The following CSMD1 variants were observed in gnomAD, a reference collection of about 807,000 sequenced individuals.
CSMD1 encodes CUB and Sushi multiple domains 1.
In CSMD1, 213 loss-of-function variants were observed where a neutral mutation model predicts 417.5. That is an observed-to-expected ratio of 0.51 (90% CI 0.46 to 0.57). The LOEUF is 0.57. CSMD1 is among the 20% of genes least tolerant of loss of function. CSMD1 has a pLI of 0.00. For synonymous variants in CSMD1, 2,862 were observed against 1,736.8 expected (o/e 1.65, Z -16.11); for missense variants, 6,923 against 4,529.7 (o/e 1.53, Z -15.17).
chr8:3,512,357 T>G (rs1797111707), intron 10 of CSMD1, among the ~76,000 whole-genome samples: 1 of 152,170 alleles, frequency 6.6e-6, no homozygotes, highest in Admixed American at 6.5e-5. Flanking sequence ...TAATACAGAC[T>G]TCAGCTCAGA....
intron 10 of CSMD1, among the ~76,000 whole-genome samples, chr8:3,494,828 CAG>C (rs1370204039): frequency 6.6e-6 from 1 of 152,084 alleles, no homozygotes; most frequent in Non-Finnish European, 1.5e-5. Flanking sequence ...TAGAATGAAA[CAG>C]AAATTCTGAA....
intron 30 of CSMD1, among the ~76,000 whole-genome samples, chr8:3,210,018 C>T (rs751314152): frequency 1.5e-4 from 23 of 152,190 alleles, no homozygotes; most frequent in Admixed American, 4.6e-4. Flanking sequence ...AGGTAATAGA[C>T]GAATAACCAG....
At chr8:3,079,804 G>C (rs1227044905) in intron 49 of CSMD1, among the ~76,000 whole-genome samples, 1 of 151,786 alleles carries the variant, frequency 6.6e-6, no homozygotes, top group Non-Finnish European at 1.5e-5. Context: ...CTGAGATAAT[G>C]AGGCATTTTT....
chr8:4,810,540 TGC>T (rs1554489500), intron 1 of CSMD1, among the ~76,000 whole-genome samples: 1 of 151,282 alleles, frequency 6.6e-6, no homozygotes. Context: ...TGTGTGTGTG[TGC>T]GCACGCGCGT....
chr8:3,455,412 T>C (rs1252652897), intron 12 of CSMD1, among the ~76,000 whole-genome samples: 1 of 152,248 alleles, frequency 6.6e-6, no homozygotes, highest in African/African-American at 2.4e-5. Context: ...CTCCAGTTTT[T>C]CTGCTCTGTT....
intron 1 of CSMD1, among the ~76,000 whole-genome samples, chr8:4,739,986 T>A (rs897146669): frequency 6.6e-6 from 1 of 152,138 alleles, no homozygotes; most frequent in Non-Finnish European, 1.5e-5. Context: ...GCCAGCCGCC[T>A]GCCCAGGCAT....
At chr8:4,793,422 C>G (rs375460602) in intron 1 of CSMD1, among the ~76,000 whole-genome samples, 6 of 151,980 alleles carry the variant, frequency 3.9e-5, no homozygotes, top group African/African-American at 1.2e-4. Context: ...CTTTTCCCTC[C>G]TCCCCCAGCT....
At chr8:4,185,382 A>T (rs1305002145) in intron 3 of CSMD1, among the ~76,000 whole-genome samples, 1 of 152,108 alleles carries the variant, frequency 6.6e-6, no homozygotes, top group Non-Finnish European at 1.5e-5. Flanking sequence ...CAGGGCTTTT[A>T]AAGTACCCAG....
At chr8:4,697,674 C>A (rs907383054) in intron 1 of CSMD1, among the ~76,000 whole-genome samples, 1 of 152,098 alleles carries the variant, frequency 6.6e-6, no homozygotes, top group African/African-American at 2.4e-5. Flanking sequence ...CACGATTTCC[C>A]TGGACAGTTT....
At chr8:4,295,317 A>G (rs1157986539) in intron 3 of CSMD1, among the ~76,000 whole-genome samples, 2 of 113,564 alleles carry the variant, frequency 1.8e-5, no homozygotes, top group Admixed American at 1.9e-4. Context: ...TAATCTTAAG[A>G]TTATGCACAT....
At chr8:4,040,395 G>C (rs375328872) in intron 3 of CSMD1, among the ~76,000 whole-genome samples, 1 of 152,178 alleles carries the variant, frequency 6.6e-6, no homozygotes, top group South Asian at 2.1e-4. Flanking sequence ...ACATGCTGCA[G>C]GGAGATCAAG....
chr8:4,353,310 C>G (rs1005960357), intron 3 of CSMD1, among the ~76,000 whole-genome samples: 5 of 152,114 alleles, frequency 3.3e-5, no homozygotes, highest in Non-Finnish European at 5.9e-5. Context: ...CACAAGCTCT[C>G]TTCCCTGCCA....
At chr8:4,757,618 T>C (rs1418125910) in intron 1 of CSMD1, among the ~76,000 whole-genome samples, 1 of 152,194 alleles carries the variant, frequency 6.6e-6, no homozygotes, top group African/African-American at 2.4e-5. Flanking sequence ...AGTTGGATTA[T>C]GTGCTCTCTT....
chr8:4,978,275 G>T (rs1166426330), intron 1 of CSMD1, among the ~76,000 whole-genome samples: 1 of 152,156 alleles, frequency 6.6e-6, no homozygotes, highest in Non-Finnish European at 1.5e-5. Flanking sequence ...GCAGGTGGAG[G>T]TATAGCAGCT....
intron 3 of CSMD1, among the ~76,000 whole-genome samples, chr8:4,414,538 A>G (rs1796821731): frequency 6.6e-6 from 1 of 152,220 alleles, no homozygotes; most frequent in Non-Finnish European, 1.5e-5. Context: ...GTTTATAAGT[A>G]ATAAACTACG....
At chr8:4,486,167 A>G (rs1343639763) in intron 2 of CSMD1, among the ~76,000 whole-genome samples, 9 of 19,482 alleles carry the variant, frequency 4.6e-4, no homozygotes, top group African/African-American at 8.1e-4. Context: ...ACATACATAT[A>G]TATATATACA....
At position 3,854,135 on chromosome 8, in the gene CSMD1, A is replaced by T. The variant is rs1426688879; in HGVS notation, c.819-100093T>A. On this transcript the variant is annotated intron_variant, in intron 5 of 69. Coordinates refer to ENST00000635120, the MANE Select transcript of CSMD1 (RefSeq NM_033225.6). ...GTTATATATTATACTTATATATATAAACTCTATTAAAGTATAATAATAATA... is the reference window on the plus strand; with the variant it reads ...GTTATATATTATACTTATATATATATACTCTATTAAAGTATAATAATAATA... 4.3e-5 allele frequency among the ~76,000 whole-genome samples: 6 copies of T among 138,086 alleles called. No individual in the cohort carries two copies. In the East Asian group the frequency reaches 1.2e-3, roughly 28 times the overall value. The allele number at this position is 138,086 out of a possible 152,430, so 90.6% of individuals were successfully genotyped here.
intron 26 of CSMD1, among the ~76,000 whole-genome samples, chr8:3,267,887 C>G (rs1346928076): frequency 6.6e-6 from 1 of 152,080 alleles, no homozygotes; most frequent in South Asian, 2.1e-4. Flanking sequence ...GCATAGAGTC[C>G]TAACTCACTG....
At chr8:4,134,354 A>G (rs1803291139) in intron 3 of CSMD1, among the ~76,000 whole-genome samples, 1 of 152,162 alleles carries the variant, frequency 6.6e-6, no homozygotes, top group Admixed American at 6.5e-5. Flanking sequence ...ATCCATGACG[A>G]TTTTTATTCT....
Sources: allele counts gnomAD v4.1 joint callset (sites outside exome capture counted in the v4.1 genomes callset), GRCh38; gene constraint gnomAD v4.1.1; transcripts MANE v1.5; gene names NCBI Gene and HGNC (gene_info 2026-07-23, HGNC 2026-07-21).